The following TENM3 variants were observed in gnomAD, a reference collection of about 807,000 sequenced individuals.
TENM3 encodes teneurin-3.
A neutral mutation model predicts 255.1 loss-of-function variants in TENM3; 63 were observed. The ratio of observed to expected loss-of-function variants is 0.25; its 90% CI spans 0.20 to 0.30. TENM3 has a LOEUF of 0.30. Ranked by LOEUF, TENM3 falls within the 10% of genes least tolerant of loss-of-function variation. The pLI is 1.00. For synonymous variants in TENM3, 1,306 were observed against 1,322.3 expected, an observed-to-expected ratio of 0.99 and a Z score of 0.27; for missense variants, 2,929 against 3,461.1, an observed-to-expected ratio of 0.85 and a Z score of 3.86.
At chr4:181,839,042 G>T in the TENM3 span, among the ~76,000 whole-genome samples, 2 of 150,926 alleles carry the variant, frequency 1.3e-5, no homozygotes, top group African/African-American at 2.4e-5. Context: ...TACAAGTTTG[G>T]GTAAATCGGT....
chr4:182,172,142 C>G (rs1752152415), intron 1 of TENM3, among the ~76,000 whole-genome samples: 1 of 151,890 alleles, frequency 6.6e-6, no homozygotes, highest in Non-Finnish European at 1.5e-5. Context: ...TCGTGTTGTA[C>G]ATGGGTTTTC....
the TENM3 span, among the ~76,000 whole-genome samples, chr4:181,840,701 C>T: frequency 1.3e-5 from 2 of 151,962 alleles, no homozygotes; most frequent in Non-Finnish European, 2.9e-5. Context: ...TTATTTACCC[C>T]CTTAGGTGCA....
intron 18 of TENM3, among the ~76,000 whole-genome samples, chr4:182,740,136 C>T: frequency 6.6e-6 from 1 of 152,156 alleles, no homozygotes; most frequent in East Asian, 1.9e-4. Context: ...GCAGAAAAAC[C>T]CTTCCCTGCT....
At chr4:182,142,132 T>TA (rs1554020562), upstream of TENM3, 6 of 151,154 alleles carry the variant, frequency 4.0e-5, no homozygotes, top group Non-Finnish European at 8.9e-5. Context: ...CTTTTTTTTA[T>TA]ATAATAATAA....
At chr4:182,581,668 C>T (rs1745507985) in intron 3 of TENM3, among the ~76,000 whole-genome samples, 2 of 151,862 alleles carry the variant, frequency 1.3e-5, no homozygotes, top group Non-Finnish European at 2.9e-5. Flanking sequence ...ACCCAGGAGG[C>T]GGAGGTTGCA....
the TENM3 span, among the ~76,000 whole-genome samples, chr4:181,912,900 G>A: frequency 6.6e-6 from 1 of 152,272 alleles, no homozygotes; most frequent in African/African-American, 2.4e-5. Flanking sequence ...GGAAACGTGA[G>A]TTTGAAGTAG....
the TENM3 span, among the ~76,000 whole-genome samples, chr4:181,742,931 G>GT: frequency 6.6e-6 from 1 of 150,806 alleles, no homozygotes; most frequent in Non-Finnish European, 1.5e-5. Flanking sequence ...GCGGTGTTTG[G>GT]TTTTTTGTTC....
At chr4:181,521,897 C>G in the TENM3 span, among the ~76,000 whole-genome samples, 1 of 151,884 alleles carries the variant, frequency 6.6e-6, no homozygotes, top group Admixed American at 6.6e-5. Context: ...GAGATCGAGA[C>G]CATCCTGGCT....
intron 3 of TENM3, among the ~76,000 whole-genome samples, chr4:182,578,468 A>G (rs965934553): frequency 3.1e-5 from 3 of 95,762 alleles, no homozygotes; most frequent in Non-Finnish European, 7.5e-5. Flanking sequence ...TAGCTGTGAT[A>G]GGTGCTTGAT....
the TENM3 span, among the ~76,000 whole-genome samples, chr4:181,689,387 T>C: frequency 6.6e-6 from 1 of 152,192 alleles, no homozygotes; most frequent in African/African-American, 2.4e-5. Flanking sequence ...TGGAAATCCA[T>C]CCAACTCGGC....
chr4:182,123,340 G>A, the TENM3 span, among the ~76,000 whole-genome samples: 3 of 152,110 alleles, frequency 2.0e-5, no homozygotes, highest in African/African-American at 7.2e-5. Flanking sequence ...TGGCACAAGA[G>A]ACTTAGCTTT....
chr4:182,479,254 T>C (rs1733963763), intron 3 of TENM3, among the ~76,000 whole-genome samples: 1 of 152,014 alleles, frequency 6.6e-6, no homozygotes, highest in African/African-American at 2.4e-5. Flanking sequence ...AATTTTCTAA[T>C]GATACTATAC....
At chr4:181,684,671 G>A in the TENM3 span, among the ~76,000 whole-genome samples, 1 of 152,156 alleles carries the variant, frequency 6.6e-6, no homozygotes, top group Non-Finnish European at 1.5e-5. Context: ...GATTAAGACT[G>A]AGATAAATAA....
chr4:182,032,834 G>T, the TENM3 span, among the ~76,000 whole-genome samples: 1 of 152,046 alleles, frequency 6.6e-6, no homozygotes, highest in Non-Finnish European at 1.5e-5. Context: ...TAGTTTATTT[G>T]CATAGAGATG....
At chr4:181,921,903 C>G in the TENM3 span, among the ~76,000 whole-genome samples, 1 of 152,026 alleles carries the variant, frequency 6.6e-6, no homozygotes, top group African/African-American at 2.4e-5. Flanking sequence ...TTTTGAGAAA[C>G]GTCCCATCAA....
chr4:181,964,197 G>C, the TENM3 span, among the ~76,000 whole-genome samples: 3 of 151,356 alleles, frequency 2.0e-5, no homozygotes, highest in African/African-American at 4.9e-5. Context: ...AGTATCTCTT[G>C]CCTTAGGTGG....
the TENM3 span, among the ~76,000 whole-genome samples, chr4:181,901,508 CA>C: frequency 1.3e-5 from 2 of 152,172 alleles, no homozygotes; most frequent in Non-Finnish European, 2.9e-5. Context: ...ATCCTGCCTA[CA>C]AGAATTATTT....
At chr4:181,599,466 T>C in the TENM3 span, among the ~76,000 whole-genome samples, 1 of 152,206 alleles carries the variant, frequency 6.6e-6, no homozygotes, top group Non-Finnish European at 1.5e-5. Context: ...AGGCAAATTA[T>C]TGGACAATAA....
chr4:182,446,893 C>T (rs1000477516), intron 3 of TENM3, among the ~76,000 whole-genome samples: 3 of 152,044 alleles, frequency 2.0e-5, no homozygotes, highest in African/African-American at 7.2e-5. Context: ...CCCCCCACCC[C>T]CCTCAGAAGA....
Sources: allele counts gnomAD v4.1 joint callset (sites outside exome capture counted in the v4.1 genomes callset), GRCh38; gene constraint gnomAD v4.1.1; transcripts MANE v1.5; gene names NCBI Gene and HGNC (gene_info 2026-07-23, HGNC 2026-07-21).